KIF23: variants seen among roughly 807,000 people sequenced by gnomAD.
KIF23 encodes kinesin family member 23, also known as kinesin-like protein KIF23.
A neutral mutation model predicts 137.5 loss-of-function variants in KIF23; 30 were observed. That is an observed-to-expected ratio of 0.22 (90% CI 0.16 to 0.30). KIF23 has a LOEUF of 0.30. KIF23 is among the 10% of genes least tolerant of loss of function. The probability of loss-of-function intolerance (pLI) is 1.00; values close to 1 mark genes in which losing one functional copy is unlikely to be tolerated. For missense variants in KIF23, 920 were observed against 1,194.3 expected, an observed-to-expected ratio of 0.77 and a Z score of 3.38; for synonymous variants, 367 against 391.1, an observed-to-expected ratio of 0.94 and a Z score of 0.73.
intron 15 of KIF23, 89 bp from the exon 16 acceptor site, chr15:69,438,159 A>G: frequency 5.2e-6 from 6 of 1,148,888 alleles, no homozygotes; most frequent in Non-Finnish European, 4.9e-6. Context: ...CTGAATAACT[A>G]CATTTTATCT....
chr15:69,416,702 C>T (rs895859234), intron 2 of KIF23, among the ~76,000 whole-genome samples: 1 of 152,138 alleles, frequency 6.6e-6, no homozygotes, highest in African/African-American at 2.4e-5. Flanking sequence ...CATCTGTAAT[C>T]CCAGCACTTT....
At chr15:69,429,873 T>G (rs145736923) in intron 11 of KIF23, among the ~76,000 whole-genome samples, 5 of 152,072 alleles carry the variant, frequency 3.3e-5, no homozygotes, top group Non-Finnish European at 5.9e-5. Flanking sequence ...ATACAAAAAA[T>G]TAGCTGGGCG....
At chr15:69,424,076 A>G (rs1487434229) in intron 7 of KIF23, among the ~76,000 whole-genome samples, 1 of 152,242 alleles carries the variant, frequency 6.6e-6, no homozygotes. Context: ...TTGTATATCT[A>G]AGGGAACATT....
chr15:69,437,012 C>T (rs917027218), intron 15 of KIF23, among the ~76,000 whole-genome samples: 3 of 152,168 alleles, frequency 2.0e-5, no homozygotes, highest in Non-Finnish European at 2.9e-5. Context: ...GCCTCGGCCT[C>T]CTAAAGTGCT....
chr15:69,447,994 A>C lies in KIF23; in HGVS notation c.*187A>C. 2.2e-6 allele frequency: 1 copy of C among 463,170 alleles called. No individual in the cohort carries two copies. The highest frequency in any genetic ancestry group is 1.9e-5 in the African/African-American group (1 of 51,572). 28.7% of individuals were successfully genotyped at this position (463,170 alleles called of 1,614,324 possible). On this transcript the variant is annotated 3_prime_UTR_variant, in exon 24 of 24. Coordinates refer to ENST00000679126, the MANE Select transcript of KIF23 (RefSeq NM_001367805.3). ...ATGGTTCCAAAGACAACTAGTATTC[A>C]ACAAACCTTGTATAGTATATGTTTT...
rs2057196303 is a variant in KIF23, at chr15:69,426,496, C to CT, written c.1011+40dup. The CT allele has an allele frequency of 1.9e-6, 3 of 1,598,382 alleles. No homozygotes were observed. In the African/African-American group the frequency reaches 4.1e-5, roughly 22 times the overall value. On this transcript the variant is annotated intron_variant, in intron 10 of 23. Coordinates refer to ENST00000679126, the MANE Select transcript of KIF23 (RefSeq NM_001367805.3). Reference sequence around the variant, plus strand: ...ATGTGGAGTTTTTCTGGTTCTAACTCTATCCTTAATTTTTGGAATTAGAGT... The same window carrying CT: ...ATGTGGAGTTTTTCTGGTTCTAACTCTTATCCTTAATTTTTGGAATTAGAGT...
intron 16 of KIF23, among the ~76,000 whole-genome samples, 156 bp downstream of exon 16, chr15:69,438,561 G>T (rs1336738452): frequency 6.6e-6 from 1 of 152,158 alleles, no homozygotes; most frequent in East Asian, 1.9e-4. Flanking sequence ...ACTTTGGGAG[G>T]CTGAGGTGGC....
Position 69,440,643 on chromosome 15 carries a change from CAA to C in KIF23, c.2110-119_2110-118del, listed in dbSNP as rs899233947. Reference sequence around the variant, plus strand: ...ATTTAGAATAAACACAAATTTAGCACAAAAAAATAGAACAAATAATTATTTGT... The same window carrying C: ...ATTTAGAATAAACACAAATTTAGCACAAAAATAGAACAAATAATTATTTGT... On this transcript the variant is annotated intron_variant, in intron 18 of 23. Coordinates refer to ENST00000679126, the MANE Select transcript of KIF23 (RefSeq NM_001367805.3). 8.0e-6 allele frequency: 9 copies of C among 1,128,064 alleles called. No homozygotes were observed. The African/African-American group carries it at 9.5e-5, about 12-fold the overall frequency. The allele number at this position is 1,128,064 out of a possible 1,614,324, so 69.9% of individuals were successfully genotyped here.
At chr15:69,430,929 T>A (rs2057341704) in intron 11 of KIF23, among the ~76,000 whole-genome samples, 1 of 152,202 alleles carries the variant, frequency 6.6e-6, no homozygotes, top group Non-Finnish European at 1.5e-5. Context: ...CTCTCATAGC[T>A]TGTGTCTTTA....
chr15:69,415,689 G>A (rs978445928), intron 1 of KIF23, among the ~76,000 whole-genome samples: 8 of 152,184 alleles, frequency 5.3e-5, no homozygotes, highest in Non-Finnish European at 1.5e-5. Flanking sequence ...AATTTGTAGT[G>A]CCTCTGTTAA....
chr15:69,417,282 A>C, intron 2 of KIF23, 101 bp from the exon 3 acceptor site: 1 of 1,119,788 alleles, frequency 8.9e-7, no homozygotes, highest in Non-Finnish European at 1.2e-6. Flanking sequence ...TTAAATTGAG[A>C]GACTGAATGT....
At chr15:69,419,004 C>A (rs190010302) in intron 3 of KIF23, among the ~76,000 whole-genome samples, 4 of 152,294 alleles carry the variant, frequency 2.6e-5, no homozygotes, top group Non-Finnish European at 5.9e-5. Flanking sequence ...GTAATCCCAG[C>A]TACTCAGTAG....
At position 69,417,523 on chromosome 15, in the gene KIF23, T is replaced by C; in HGVS notation, c.210+12T>C. The C allele has an allele frequency of 1.2e-6, 2 of 1,604,594 alleles. No homozygotes were observed. The highest frequency in any genetic ancestry group is 1.7e-6 in the Non-Finnish European group (2 of 1,176,982). ...GAGACTATAAGGAGGTAATTCTGAT[T>C]TGGACCAAGTTGTTTTTACTCAATA... On this transcript the variant is annotated intron_variant, in intron 3 of 23. Coordinates refer to ENST00000679126, the MANE Select transcript of KIF23 (RefSeq NM_001367805.3).
intron 23 of KIF23, 26 bp from the exon 24 acceptor site, chr15:69,447,766 T>C: frequency 1.3e-6 from 2 of 1,598,922 alleles, no homozygotes; most frequent in Non-Finnish European, 1.7e-6. Context: ...AAAGTTCAAC[T>C]CTAAGTGCTG....
chr15:69,421,663 A>G lies in KIF23; in HGVS notation c.227A>G (p.Lys76Arg). ...GDYKETQYSFKQVFGTHTTQK... is the reference protein window; with the variant it reads ...GDYKETQYSFRQVFGTHTTQK... Reference sequence around the variant, plus strand: ...TCTCCACAGACTCAGTATTCATTTAAACAAGTATTTGGCACTCACACCACC... The same window carrying G: ...TCTCCACAGACTCAGTATTCATTTAGACAAGTATTTGGCACTCACACCACC... The change falls in exon 4 of 24, where the codon AAA becomes AGA. Residue 76 changes from lysine (K) to arginine (R), a missense_variant. By Grantham distance (26) the Lys-to-Arg change is conservative. Coordinates refer to ENST00000679126, the MANE Select transcript of KIF23 (RefSeq NM_001367805.3). 6.2e-7 allele frequency: 1 copy of G among 1,611,654 alleles called. No homozygotes were observed. The highest frequency in any genetic ancestry group is 1.1e-5 in the South Asian group (1 of 91,016).
chr15:69,429,381 T>G (rs1202014351), intron 11 of KIF23, among the ~76,000 whole-genome samples, 168 bp downstream of exon 11: 1 of 152,222 alleles, frequency 6.6e-6, no homozygotes, highest in African/African-American at 2.4e-5. Context: ...CATGGCTCAT[T>G]GCAGCCTCAA....
chr15:69,429,663 A>G (rs1209464167), intron 11 of KIF23, among the ~76,000 whole-genome samples: 2 of 152,182 alleles, frequency 1.3e-5, no homozygotes, highest in Non-Finnish European at 2.9e-5. Flanking sequence ...GGCTAAGTTT[A>G]TAGTTAGGCT....
chr15:69,432,525 C>T (rs1040725560), intron 11 of KIF23, among the ~76,000 whole-genome samples: 3 of 151,826 alleles, frequency 2.0e-5, no homozygotes, highest in African/African-American at 4.8e-5. Flanking sequence ...CTTTAGAAAA[C>T]AAGTAGCTTT....
chr15:69,440,174 G>T (rs1323338885), intron 17 of KIF23, 97 bp downstream of exon 17: 2 of 1,503,608 alleles, frequency 1.3e-6, no homozygotes, highest in East Asian at 4.5e-5. Flanking sequence ...TTGCGGTAGG[G>T]TTTTGGTGGT....
Sources: gnomAD v4.1 joint callset for allele counts (sites outside exome capture counted in the v4.1 genomes callset) on GRCh38, gnomAD v4.1.1 for gene constraint, MANE v1.5 for transcripts, NCBI Gene and HGNC (gene_info 2026-07-23, HGNC 2026-07-21) for gene names.